TCF3: variants seen among roughly 807,000 people sequenced by gnomAD.
TCF3 encodes the protein transcription factor 3.
TCF3 carries 54 observed loss-of-function variants against 72.3 expected under a neutral mutation model. The ratio of observed to expected loss-of-function variants is 0.75; its 90% CI spans 0.60 to 0.94. The LOEUF is 0.94. Among genes scored for constraint, TCF3 ranks in the 40% least tolerant of loss-of-function variants. TCF3 has a pLI of 0.00. For synonymous variants in TCF3, 525 were observed against 412.6 expected, an observed-to-expected ratio of 1.27 and a Z score of -3.30; for missense variants, 1,078 against 934.4, an observed-to-expected ratio of 1.15 and a Z score of -2.00.
intron 5 of TCF3, among the ~76,000 whole-genome samples, chr19:1,627,721 C>T (rs1055793024): frequency 1.3e-5 from 2 of 151,966 alleles, no homozygotes; most frequent in Non-Finnish European, 2.9e-5. Flanking sequence ...GCATCTGCAG[C>T]CCACAGAAGC....
intron 2 of TCF3, among the ~76,000 whole-genome samples, chr19:1,647,230 G>A (rs1232019846): frequency 2.0e-5 from 3 of 149,668 alleles, no homozygotes; most frequent in South Asian, 2.2e-4. Flanking sequence ...GGCATTAACC[G>A]GAAAAGCCAA....
chr19:1,641,294 A>G (rs1227122152), intron 3 of TCF3, among the ~76,000 whole-genome samples: 2 of 152,136 alleles, frequency 1.3e-5, no homozygotes, highest in East Asian at 1.9e-4. Flanking sequence ...GTTGCAAACT[A>G]TAGGATTCCA....
At chr19:1,642,532 G>A (rs893520921) in intron 3 of TCF3, among the ~76,000 whole-genome samples, 2 of 152,212 alleles carry the variant, frequency 1.3e-5, no homozygotes, top group African/African-American at 2.4e-5. Context: ...GAGGGCCCAA[G>A]AGAGTAACAG....
At chr19:1,642,025 ACAGAGTGAGACCTGGTCC>A (rs1264979805) in intron 3 of TCF3, among the ~76,000 whole-genome samples, 4 of 151,986 alleles carry the variant, frequency 2.6e-5, no homozygotes, top group Non-Finnish European at 5.9e-5. Flanking sequence ...AGTCTGGACA[ACAGAGTGAGACCTGGTCC>A]CTAAAAAAAA....
chr19:1,647,170 G>A (rs573645935), intron 2 of TCF3, among the ~76,000 whole-genome samples: 7 of 142,990 alleles, frequency 4.9e-5, no homozygotes, highest in Non-Finnish European at 9.2e-5. Context: ...CCTCCCGCCC[G>A]GCTCACCCGT....
chr19:1,621,699 A>G, intron 11 of TCF3, 139 bp downstream of exon 11: 1 of 1,166,064 alleles, frequency 8.6e-7, no homozygotes, highest in East Asian at 2.6e-5. Context: ...ACAGCGGACA[A>G]TGAGAACTGA....
Position 1,625,983 on chromosome 19 carries a change from C to T in TCF3, c.367-275G>A, listed in dbSNP as rs79523239. On this transcript the variant is annotated intron_variant, in intron 6 of 18. Coordinates refer to ENST00000262965, the MANE Select transcript of TCF3 (RefSeq NM_003200.5). ...AGGGGCTGCTCCCCCGATTCTGAGA[C>T]GCAAAGTACAAAGCTGCGTGGCTAA... Among the ~76,000 whole-genome samples the T allele has an allele frequency of 9.9e-3, 1,514 of 152,336 alleles. 26 individuals are homozygous for T. Among genetic ancestry groups the T allele is most frequent in the African/African-American group, 0.035 (1,456 of 41,576 alleles).
At chr19:1,651,938 G>A (rs1410426681) in intron 1 of TCF3, among the ~76,000 whole-genome samples, 3 of 150,900 alleles carry the variant, frequency 2.0e-5, no homozygotes, top group Non-Finnish European at 4.4e-5. Flanking sequence ...ACCCGAGAAA[G>A]GGGGCGCCCC....
intron 3 of TCF3, among the ~76,000 whole-genome samples, chr19:1,636,891 G>A (rs1057451397): frequency 3.9e-5 from 6 of 152,190 alleles, no homozygotes; most frequent in African/African-American, 7.2e-5. Context: ...CCTGTGGCCC[G>A]CCCGCGAGCA....
intron 3 of TCF3, among the ~76,000 whole-genome samples, chr19:1,633,629 G>T (rs190292240): frequency 1.3e-5 from 2 of 152,140 alleles, no homozygotes; most frequent in Non-Finnish European, 2.9e-5. Flanking sequence ...ATATTCATGC[G>T]CCTCATTTAG....
At chr19:1,621,772 C>T in intron 11 of TCF3, 66 bp downstream of exon 11, 6 of 1,479,230 alleles carry the variant, frequency 4.1e-6, no homozygotes, top group Middle Eastern at 2.4e-4. Context: ...TCGCCACCCC[C>T]CACCCAGACC....
intron 8 of TCF3, 126 bp downstream of exon 8, chr19:1,623,825 G>A: frequency 2.1e-6 from 2 of 962,860 alleles, no homozygotes; most frequent in Non-Finnish European, 3.1e-6. Context: ...TCTTGGCTCA[G>A]AAATCACAGG....
chr19:1,621,148 G>A lies in TCF3; in HGVS notation c.999C>T (p.Gly333=). The A allele has an allele frequency of 6.5e-7, 1 of 1,541,510 alleles. No individual in the cohort carries two copies. ...TTAGSSGDAL[G]KALASIYSPD... ...CACGCCTCACCGAGGCCAGTGCTTT[G>A]CCGAGGGCATCCCCGGAGCTGCCAG... Residue 333 remains glycine, a synonymous_variant, in exon 12 of 19, where the codon GGC becomes GGT. Transcript: ENST00000262965.
intron 16 of TCF3, 127 bp downstream of exon 16, chr19:1,618,984 G>A (rs576447465): frequency 4.4e-5 from 65 of 1,475,614 alleles, no homozygotes; most frequent in East Asian, 3.0e-4. Flanking sequence ...TGACTGGGGC[G>A]CCCATGTCAC....
chr19:1,638,652 C>T (rs986470799), intron 3 of TCF3, among the ~76,000 whole-genome samples: 3 of 152,098 alleles, frequency 2.0e-5, no homozygotes, highest in East Asian at 1.9e-4. Flanking sequence ...TCACTTCGGA[C>T]GTTGAGAGCG....
In TCF3 at chr19:1,615,837, G is replaced by A. The variant is rs1222334644; in HGVS notation, c.1451-16C>T. 3 of 1,525,676 alleles carry A rather than the reference G, an allele frequency of 2.0e-6. No homozygotes were observed. The highest frequency in any genetic ancestry group is 2.6e-6 in the Non-Finnish European group (3 of 1,135,002). 94.5% of individuals were successfully genotyped at this position (1,525,676 alleles called of 1,614,324 possible). On this transcript the variant is annotated splice_polypyrimidine_tract_variant and intron_variant, in intron 16 of 18. Transcript: ENST00000262965. The surrounding 1 kb of genome is among the most constrained non-coding windows in gnomAD (Gnocchi z 7.3). The stretch of plus-strand genomic sequence containing the variant: ...CGCCCTAGCCCTGCAACAGGCCTAG[G>A]GTCAGGGGCCTGCGTCGGCCTCCAG...
In TCF3 at chr19:1,619,224, C is replaced by T; in HGVS notation, c.1337G>A (p.Ser446Asn). 6.3e-7 allele frequency: 1 copy of T among 1,595,328 alleles called. No homozygotes were observed. Among genetic ancestry groups the T allele is most frequent in the South Asian group, 1.1e-5 (1 of 90,244 alleles). Reference sequence around the variant, plus strand: ...GCCTGCGAGGCCGTCCTCGGGGTGGCTGCCTCCAACCTGCAGGCGTGGGGA... The same window carrying T: ...GCCTGCGAGGCCGTCCTCGGGGTGGTTGCCTCCAACCTGCAGGCGTGGGGA... Reference protein sequence around the residue: ...GGRHAGLVGGSHPEDGLAGST... With the variant: ...GGRHAGLVGGNHPEDGLAGST... The change falls in exon 16 of 19, where the codon AGC becomes AAC. Residue 446 changes from serine to asparagine, a missense_variant. Transcript: ENST00000262965.
chr19:1,611,704 C>G lies in TCF3; in HGVS notation c.*3G>C. 6.2e-7 allele frequency: 1 copy of G among 1,612,138 alleles called. No homozygotes were observed. Among genetic ancestry groups the G allele is most frequent in the Non-Finnish European group, 8.5e-7 (1 of 1,179,036 alleles). On this transcript the variant is annotated 3_prime_UTR_variant, in exon 19 of 19. Coordinates refer to ENST00000262965, the MANE Select transcript of TCF3 (RefSeq NM_003200.5). Reference sequence around the variant, plus strand: ...GGTGGCTCGTCCCACGGAGGCATACCTTTCACATGTGCCCGGCGGGGTTGT... The same window carrying G: ...GGTGGCTCGTCCCACGGAGGCATACGTTTCACATGTGCCCGGCGGGGTTGT...
At position 1,619,391 on chromosome 19, in the gene TCF3, C is replaced by T. The variant is rs147824695; in HGVS notation, c.1251G>A (p.Thr417=). ...CCAGCGCCCCGTGGCCAGGCAGCAGCGTGTGCATGTCGCCGGCTGTGCCCA... is the reference window on the plus strand; with the variant it reads ...CCAGCGCCCCGTGGCCAGGCAGCAGTGTGTGCATGTCGCCGGCTGTGCCCA... ...HAVGTAGDMH[T]LLPGHGALAS... is the part of the protein sequence containing the mutation. Residue 417 remains threonine (T), a synonymous_variant, in exon 15 of 19, where the codon ACG becomes ACA. Coordinates refer to ENST00000262965, the MANE Select transcript of TCF3 (RefSeq NM_003200.5). 111 of 1,593,338 alleles carry T rather than the reference C, an allele frequency of 7.0e-5. No individual in the cohort carries two copies. Among genetic ancestry groups the T allele is most frequent in the African/African-American group, 4.0e-4 (30 of 74,830 alleles).
Sources: allele counts gnomAD v4.1 joint callset (sites outside exome capture counted in the v4.1 genomes callset), GRCh38; gene constraint gnomAD v4.1.1; non-coding constraint Gnocchi (gnomAD v3.1); transcripts MANE v1.5; gene names NCBI Gene and HGNC (gene_info 2026-07-23, HGNC 2026-07-21).